CNTNAP2: variants seen among roughly 807,000 people sequenced by gnomAD.
CNTNAP2 encodes contactin-associated protein-like 2.
Under a neutral mutation model 155.2 loss-of-function variants are expected in CNTNAP2, and 98 were observed. The observed-to-expected ratio is 0.63, with a 90% confidence interval of 0.54 to 0.75. The LOEUF is 0.75. CNTNAP2 is among the 30% of genes least tolerant of loss of function. The probability of loss-of-function intolerance (pLI) is 0.00; values close to 1 mark genes in which losing one functional copy is unlikely to be tolerated. For missense variants in CNTNAP2, 1,727 were observed against 1,688.1 expected, an observed-to-expected ratio of 1.02 and a Z score of -0.40; for synonymous variants, 651 against 631.2, an observed-to-expected ratio of 1.03 and a Z score of -0.47.
intron 3 of CNTNAP2, among the ~76,000 whole-genome samples, chr7:146,933,883 A>G (rs1421899633): frequency 6.6e-6 from 1 of 151,870 alleles, no homozygotes; most frequent in East Asian, 1.9e-4. Flanking sequence ...AATCAAAACC[A>G]CAATGAGATA....
At chr7:148,156,409 G>A (rs748387840) in intron 17 of CNTNAP2, among the ~76,000 whole-genome samples, 3 of 151,938 alleles carry the variant, frequency 2.0e-5, no homozygotes, top group South Asian at 2.1e-4. Flanking sequence ...TTCCACAGCC[G>A]TGTGCTGTCC....
intron 12 of CNTNAP2, among the ~76,000 whole-genome samples, chr7:147,601,274 G>A (rs754943259): frequency 6.6e-6 from 1 of 152,132 alleles, no homozygotes; most frequent in Non-Finnish European, 1.5e-5. Flanking sequence ...TCACCCGGGT[G>A]CAGGCGGGCT....
rs1305224582 is a variant in CNTNAP2 at position 148,342,101 on chromosome 7, A to G, written c.3476-41548A>G. On this transcript the variant is annotated intron_variant, in intron 21 of 23. Transcript: ENST00000361727. The stretch of plus-strand genomic sequence containing the variant: ...AGCCCAGAGCTATTTACGTGTTGAG[A>G]AGGGTCTCCCATGGAGAGGCCTTCC... 2.6e-5 allele frequency among the ~76,000 whole-genome samples: 4 copies of G among 152,328 alleles called. No individual in the cohort carries two copies. The East Asian group carries it at 7.7e-4, about 29-fold the overall frequency.
chr7:146,713,149 C>T (rs1028968693), intron 1 of CNTNAP2, among the ~76,000 whole-genome samples: 3 of 151,982 alleles, frequency 2.0e-5, no homozygotes, highest in African/African-American at 7.3e-5. Context: ...CATATAAAAG[C>T]AGGCATACTC....
At chr7:146,612,933 T>TTTC (rs1491030761) in intron 1 of CNTNAP2, among the ~76,000 whole-genome samples, 1 of 23,152 alleles carries the variant, frequency 4.3e-5, no homozygotes, top group Non-Finnish European at 9.2e-5. Flanking sequence ...ACATCTGTCT[T>TTTC]TTTTTTTTTT....
At chr7:147,210,208 T>C (rs1803117063) in intron 8 of CNTNAP2, among the ~76,000 whole-genome samples, 1 of 152,062 alleles carries the variant, frequency 6.6e-6, no homozygotes, top group African/African-American at 2.4e-5. Context: ...AATTCAGCTG[T>C]TAATCCATCT....
chr7:148,174,538 G>A (rs1332305085), intron 18 of CNTNAP2, among the ~76,000 whole-genome samples: 1 of 152,188 alleles, frequency 6.6e-6, no homozygotes, highest in Non-Finnish European at 1.5e-5. Context: ...GGGAGTATAG[G>A]TCTATGCTTG....
chr7:146,671,686 C>T (rs1800309842), intron 1 of CNTNAP2, among the ~76,000 whole-genome samples: 1 of 151,998 alleles, frequency 6.6e-6, no homozygotes, highest in Non-Finnish European at 1.5e-5. Flanking sequence ...CAGGACAATG[C>T]CTAAACCAGA....
chr7:148,027,789 G>A (rs775812872), intron 15 of CNTNAP2, among the ~76,000 whole-genome samples: 13 of 152,150 alleles, frequency 8.5e-5, no homozygotes, highest in Non-Finnish European at 1.8e-4. Context: ...TTTCGTGAAA[G>A]AGTTGACTGC....
Position 148,355,122 on chromosome 7 carries a change from A to C in CNTNAP2, c.3476-28527A>C, listed in dbSNP as rs1175058118. ...AATCATAGTGATTCCTGACTTACAG[A>C]ATCCAAATAAAGGAAATCCACTTCA... On this transcript the variant is annotated intron_variant, in intron 21 of 23. Transcript: ENST00000361727. Among the ~76,000 whole-genome samples the C allele has an allele frequency of 2.7e-5, 4 of 149,600 alleles. No homozygotes were observed. In the East Asian group the frequency reaches 7.8e-4, roughly 29 times the overall value.
intron 2 of CNTNAP2, among the ~76,000 whole-genome samples, chr7:146,787,584 C>T (rs1037862232): frequency 2.6e-5 from 4 of 152,154 alleles, no homozygotes; most frequent in Middle Eastern, 3.4e-3. Flanking sequence ...TCATAAATGC[C>T]GCACGGACAC....
intron 14 of CNTNAP2, among the ~76,000 whole-genome samples, chr7:147,911,329 G>A (rs1800063245): frequency 6.6e-6 from 1 of 152,166 alleles, no homozygotes; most frequent in Non-Finnish European, 1.5e-5. Context: ...TGCAACATTT[G>A]CCATATAAGG....
At chr7:147,432,473 C>T (rs1187609307) in intron 10 of CNTNAP2, among the ~76,000 whole-genome samples, 1 of 152,294 alleles carries the variant, frequency 6.6e-6, no homozygotes, top group East Asian at 1.9e-4. Flanking sequence ...AAGTGTATGA[C>T]ATTAAGTATT....
At chr7:146,393,679 C>T (rs1031770360) in intron 1 of CNTNAP2, among the ~76,000 whole-genome samples, 2 of 152,054 alleles carry the variant, frequency 1.3e-5, no homozygotes, top group African/African-American at 4.8e-5. Context: ...TGTTATCTCT[C>T]GATACTTGCT....
At chr7:148,179,844 C>T (rs1409643325) in intron 18 of CNTNAP2, among the ~76,000 whole-genome samples, 1 of 152,152 alleles carries the variant, frequency 6.6e-6, no homozygotes, top group Non-Finnish European at 1.5e-5. Flanking sequence ...CCACGTTATA[C>T]CTCTAAGGAA....
chr7:147,496,310 GAA>G (rs1798707113), intron 11 of CNTNAP2, among the ~76,000 whole-genome samples: 1 of 152,154 alleles, frequency 6.6e-6, no homozygotes, highest in South Asian at 2.1e-4. Flanking sequence ...TTAGAAGAAA[GAA>G]AGGTCACTGA....
At chr7:147,561,816 TATAA>T (rs1481487714) in intron 11 of CNTNAP2, among the ~76,000 whole-genome samples, 1 of 152,160 alleles carries the variant, frequency 6.6e-6, no homozygotes, top group Non-Finnish European at 1.5e-5. Context: ...GGATAATATC[TATAA>T]ATAAGTAGAA....
chr7:147,109,715 A>C (rs2129279878), intron 5 of CNTNAP2, among the ~76,000 whole-genome samples: 1 of 152,242 alleles, frequency 6.6e-6, no homozygotes, highest in Non-Finnish European at 1.5e-5. Context: ...GTGGAATAGA[A>C]AAGACAAATT....
At chr7:147,292,631 A>G (rs1003444179) in intron 8 of CNTNAP2, among the ~76,000 whole-genome samples, 8 of 152,138 alleles carry the variant, frequency 5.3e-5, no homozygotes, top group African/African-American at 1.9e-4. Context: ...AGCTCCCCCA[A>G]ATGACTCTCA....
Sources: allele counts gnomAD v4.1 joint callset (sites outside exome capture counted in the v4.1 genomes callset), GRCh38; gene constraint gnomAD v4.1.1; transcripts MANE v1.5; gene names NCBI Gene and HGNC (gene_info 2026-07-23, HGNC 2026-07-21).